CDH4: variants seen among roughly 807,000 people sequenced by gnomAD.
CDH4 encodes cadherin 4, also known as cadherin-4.
A neutral mutation model predicts 86.0 loss-of-function variants in CDH4; 33 were observed. The ratio of observed to expected loss-of-function variants is 0.38; its 90% confidence interval spans 0.29 to 0.51. CDH4 has a LOEUF of 0.51. CDH4 is among the 20% of genes least tolerant of loss of function. The pLI is 0.86. For synonymous variants in CDH4, 555 were observed against 549.4 expected (o/e 1.01, Z -0.14); for missense variants, 1,114 against 1,307.4 (o/e 0.85, Z 2.28).
At position 61,682,301 on chromosome 20, in the gene CDH4, A is replaced by C. The variant is rs1419951280; in HGVS notation, c.170-61262A>C. Reference sequence around the variant, plus strand: ...GGATGGACAGGTGGATGAATGGACAAAGGGACAGATGGAAGGAGAGAGGGA... The same window carrying C: ...GGATGGACAGGTGGATGAATGGACACAGGGACAGATGGAAGGAGAGAGGGA... On this transcript the variant is annotated intron_variant, in intron 2 of 15. Transcript: ENST00000614565. 2.1e-5 allele frequency among the ~76,000 whole-genome samples: 3 copies of C among 146,098 alleles called. No individual in the cohort carries two copies. The East Asian group carries it at 5.9e-4, about 29-fold the overall frequency.
intron 2 of CDH4, among the ~76,000 whole-genome samples, chr20:61,585,189 G>A (rs960851309): frequency 1.3e-5 from 2 of 152,232 alleles, no homozygotes; most frequent in Non-Finnish European, 2.9e-5. Flanking sequence ...CCAATAAAAC[G>A]ATCCTGCTGA....
chr20:61,305,926 G>T (rs1267729221), intron 2 of CDH4, among the ~76,000 whole-genome samples: 1 of 152,216 alleles, frequency 6.6e-6, no homozygotes, highest in African/African-American at 2.4e-5. Flanking sequence ...TAAATATATA[G>T]TCCCTAGTTG....
Position 61,647,341 on chromosome 20 carries a change from C to T in CDH4, c.170-96222C>T, listed in dbSNP as rs74639460. On this transcript the variant is annotated intron_variant, in intron 2 of 15. Transcript: ENST00000614565. ...GCATCTCCCTCACGCTTTGCCCTAGCGCAACTTGTCCTAGCAGAAGTCCAA... is the reference window on the plus strand; with the variant it reads ...GCATCTCCCTCACGCTTTGCCCTAGTGCAACTTGTCCTAGCAGAAGTCCAA... Among the ~76,000 whole-genome samples, 1,395 of 152,198 alleles carry T rather than the reference C, an allele frequency of 9.2e-3. 5 individuals carry two copies. The highest frequency in any genetic ancestry group is 0.037 in the Middle Eastern group (11 of 294).
Position 61,681,479 on chromosome 20 carries a change from T to G in CDH4, c.170-62084T>G, listed in dbSNP as rs1438957081. 6.6e-6 allele frequency among the ~76,000 whole-genome samples: 1 copy of G among 152,180 alleles called. No homozygotes were observed. The highest frequency in any genetic ancestry group is 1.5e-5 in the Non-Finnish European group (1 of 68,036). On this transcript the variant is annotated intron_variant, in intron 2 of 15. Coordinates refer to ENST00000614565, the MANE Select transcript of CDH4 (RefSeq NM_001794.5). This position sits in a 1 kb window ranked among gnomAD's most constrained non-coding sequence, Gnocchi z 4.5. ...TCTGTTGGCTTCTGAGCTCTTGTTC[T>G]GAGGGGTGGGAGAATTAGACAATCC...
chr20:61,905,800 G>A (rs1051754447), intron 8 of CDH4, among the ~76,000 whole-genome samples: 2 of 152,142 alleles, frequency 1.3e-5, no homozygotes, highest in African/African-American at 4.8e-5. Flanking sequence ...GGAAAATAAG[G>A]AAGGGAATTC....
At chr20:61,690,243 A>G (rs1247021841) in intron 2 of CDH4, among the ~76,000 whole-genome samples, 1 of 151,834 alleles carries the variant, frequency 6.6e-6, no homozygotes, top group Admixed American at 6.6e-5. Flanking sequence ...TTGGGCGGGG[A>G]CAGTGGTTAG....
rs1165859479 is a variant in CDH4 at position 61,754,118 on chromosome 20, A to G, written c.396+10329A>G. The stretch of plus-strand genomic sequence containing the variant: ...TTGTGGCACCACCAGGAGCCAGGAG[A>G]GACGCCCAGAGCAGATTCTCCTGCA... On this transcript the variant is annotated intron_variant, in intron 3 of 15. Coordinates refer to ENST00000614565, the MANE Select transcript of CDH4 (RefSeq NM_001794.5). This position sits in a 1 kb window ranked among gnomAD's most constrained non-coding sequence, Gnocchi z 4.7. Among the ~76,000 whole-genome samples the G allele has an allele frequency of 6.6e-6, 1 of 152,090 alleles. No homozygotes were observed. Among genetic ancestry groups the G allele is most frequent in the African/African-American group, 2.4e-5 (1 of 41,416 alleles).
chr20:61,598,178 C>T (rs1264378590), intron 2 of CDH4, among the ~76,000 whole-genome samples: 1 of 152,126 alleles, frequency 6.6e-6, no homozygotes, highest in Non-Finnish European at 1.5e-5. Flanking sequence ...GGGAAGACCC[C>T]ACTGCCCTCT....
At chr20:61,527,570 G>A (rs1035830589) in intron 2 of CDH4, among the ~76,000 whole-genome samples, 2 of 152,166 alleles carry the variant, frequency 1.3e-5, no homozygotes, top group South Asian at 2.1e-4. Flanking sequence ...TTTAAGCATA[G>A]CATCTGTGCT....
At chr20:61,292,988 G>A (rs933587811) in intron 2 of CDH4, among the ~76,000 whole-genome samples, 7 of 152,286 alleles carry the variant, frequency 4.6e-5, no homozygotes, top group African/African-American at 1.7e-4. Context: ...TGCTGCCGGG[G>A]TCTGCGGCGA....
At chr20:61,828,205 AAAAG>A in intron 4 of CDH4, among the ~76,000 whole-genome samples, 1 of 152,218 alleles carries the variant, frequency 6.6e-6, no homozygotes, top group Non-Finnish European at 1.5e-5. Context: ...ATTGATAAAT[AAAAG>A]AGAGACAGTG....
At chr20:61,557,061 C>A (rs372004770) in intron 2 of CDH4, among the ~76,000 whole-genome samples, 1 of 152,154 alleles carries the variant, frequency 6.6e-6, no homozygotes, top group African/African-American at 2.4e-5. Context: ...TCAGTTTTAG[C>A]CTTCCTCTTG....
Position 61,910,674 on chromosome 20 carries a change from G to T in CDH4, c.1374+67G>T, listed in dbSNP as rs559961953. The T allele has an allele frequency of 2.8e-4, 388 of 1,409,238 alleles. 1 individual carries two copies. In the African/African-American group the frequency reaches 4.3e-3, roughly 16 times the overall value. The allele number at this position is 1,409,238 out of a possible 1,614,324, so 87.3% of individuals were successfully genotyped here. A position where few individuals can be genotyped will look rare whatever the true frequency, so the allele number is the denominator to read the frequency against. On this transcript the variant is annotated intron_variant, in intron 9 of 15. Coordinates refer to ENST00000614565, the MANE Select transcript of CDH4 (RefSeq NM_001794.5). ...GCCACCTGCACACTCCCTAGGACCAGTCAAACAGGAGTGATACTCGGTGTA... is the reference window on the plus strand; with the variant it reads ...GCCACCTGCACACTCCCTAGGACCATTCAAACAGGAGTGATACTCGGTGTA...
chr20:61,639,910 G>T (rs996058142), intron 2 of CDH4, among the ~76,000 whole-genome samples: 4 of 152,100 alleles, frequency 2.6e-5, no homozygotes, highest in Non-Finnish European at 4.4e-5. Flanking sequence ...TCTTGGAGCC[G>T]CTGTGTCAGA....
intron 4 of CDH4, among the ~76,000 whole-genome samples, chr20:61,801,401 C>T (rs1979824068): frequency 2.6e-5 from 4 of 152,184 alleles, no homozygotes; most frequent in African/African-American, 9.7e-5. Context: ...AGTTCTGAGA[C>T]GTCATCCCGA....
intron 2 of CDH4, among the ~76,000 whole-genome samples, chr20:61,287,213 G>A (rs6065084): frequency 0.7 from 106,019 of 152,028 alleles, 37,747 homozygotes; most frequent in South Asian, 0.82. Flanking sequence ...GGTGCCTGGC[G>A]GGCAGTCTAC....
chr20:61,834,993 C>T (rs984551020), intron 4 of CDH4, among the ~76,000 whole-genome samples: 1 of 152,234 alleles, frequency 6.6e-6, no homozygotes, highest in South Asian at 2.1e-4. Flanking sequence ...TGTGTCGTCA[C>T]AGACCGGCTT....
chr20:61,321,740 C>G (rs1035040193), intron 2 of CDH4, among the ~76,000 whole-genome samples: 2 of 152,112 alleles, frequency 1.3e-5, no homozygotes, highest in Non-Finnish European at 2.9e-5. Flanking sequence ...ATGCTGCGTG[C>G]CACGCATGTC....
At chr20:61,543,671 G>T (rs1444690150) in intron 2 of CDH4, among the ~76,000 whole-genome samples, 1 of 152,220 alleles carries the variant, frequency 6.6e-6, no homozygotes, top group East Asian at 1.9e-4. Flanking sequence ...TCAGGGGGCT[G>T]GTGTGACCAG....
Sources: gnomAD v4.1 joint callset for allele counts (sites outside exome capture counted in the v4.1 genomes callset) on GRCh38, gnomAD v4.1.1 for gene constraint, Gnocchi (gnomAD v3.1) non-coding constraint, MANE v1.5 for transcripts, NCBI Gene and HGNC (gene_info 2026-07-23, HGNC 2026-07-21) for gene names.